The following BCAR3 variants were observed in gnomAD, a reference collection of about 807,000 sequenced individuals.
BCAR3 encodes breast cancer anti-estrogen resistance protein 3.
A neutral mutation model predicts 80.1 loss-of-function variants in BCAR3; 37 were observed. That is an observed-to-expected ratio of 0.46 (90% CI 0.36 to 0.61). The LOEUF (loss-of-function observed/expected upper bound fraction) is 0.61. Ranked by LOEUF, BCAR3 falls within the 20% of genes least tolerant of loss-of-function variation. BCAR3 has a pLI of 0.00. For missense variants in BCAR3, 978 were observed against 1,068.2 expected, an observed-to-expected ratio of 0.92 and a Z score of 1.18; for synonymous variants, 389 against 418.9, an observed-to-expected ratio of 0.93 and a Z score of 0.87.
chr1:93,745,522 A>AT (rs34978505), intron 2 of BCAR3, among the ~76,000 whole-genome samples: 17,787 of 152,016 alleles, frequency 0.12, 1,464 homozygotes, highest in African/African-American at 0.22. Flanking sequence ...ACCCCCCACC[A>AT]TTTTTCTTCT....
chr1:93,724,203 C>A (rs1213270411), intron 2 of BCAR3, among the ~76,000 whole-genome samples: 1 of 152,212 alleles, frequency 6.6e-6, no homozygotes, highest in Non-Finnish European at 1.5e-5. Context: ...CCGAGGCCCC[C>A]AGAGTTAGGA....
At chr1:93,600,161 A>G (rs1674575904) in intron 3 of BCAR3, among the ~76,000 whole-genome samples, 2 of 152,222 alleles carry the variant, frequency 1.3e-5, no homozygotes, top group African/African-American at 4.8e-5. Context: ...GTTTTCATTC[A>G]TGCCAGGGTT....
At chr1:93,719,570 C>T (rs896798625) in intron 2 of BCAR3, among the ~76,000 whole-genome samples, 3 of 151,788 alleles carry the variant, frequency 2.0e-5, no homozygotes, top group African/African-American at 7.3e-5. Flanking sequence ...TCTCGATCTC[C>T]TGACCTCGTG....
intron 2 of BCAR3, among the ~76,000 whole-genome samples, chr1:93,814,632 C>T (rs1653954997): frequency 6.6e-6 from 1 of 152,252 alleles, no homozygotes; most frequent in South Asian, 2.1e-4. Flanking sequence ...TTTAGTGTTT[C>T]TGCCCTGTGG....
At chr1:93,604,880 A>G (rs1473343205) in intron 3 of BCAR3, among the ~76,000 whole-genome samples, 8 of 152,078 alleles carry the variant, frequency 5.3e-5, no homozygotes, top group African/African-American at 1.9e-4. Flanking sequence ...TGCTCAATGT[A>G]CTCATTGCAC....
intron 2 of BCAR3, among the ~76,000 whole-genome samples, chr1:93,666,606 C>A (rs530621325): frequency 6.6e-6 from 1 of 152,272 alleles, no homozygotes; most frequent in East Asian, 1.9e-4. Context: ...TAGCACAATG[C>A]CTGGCATAAA....
chr1:93,818,610 C>T (rs1352184538), intron 2 of BCAR3, among the ~76,000 whole-genome samples: 1 of 152,214 alleles, frequency 6.6e-6, no homozygotes, highest in African/African-American at 2.4e-5. Context: ...ACAGTACTTT[C>T]CATCATTAAT....
chr1:93,789,858 G>C (rs548902572), intron 2 of BCAR3, among the ~76,000 whole-genome samples: 1 of 152,302 alleles, frequency 6.6e-6, no homozygotes, highest in African/African-American at 2.4e-5. Flanking sequence ...AGATTCTTTA[G>C]AGGCAATGAT....
At chr1:93,766,412 C>T (rs1212276803) in intron 2 of BCAR3, among the ~76,000 whole-genome samples, 11 of 152,246 alleles carry the variant, frequency 7.2e-5, no homozygotes, top group Non-Finnish European at 1.2e-4. Context: ...CTGACCATGA[C>T]TGAGCTACCA....
intron 2 of BCAR3, among the ~76,000 whole-genome samples, chr1:93,714,916 G>A (rs1230428046): frequency 6.6e-6 from 1 of 152,060 alleles, no homozygotes; most frequent in Non-Finnish European, 1.5e-5. Context: ...GATTTCTCAG[G>A]AAAAGCATTT....
At chr1:93,619,754 TGTCTCAC>T (rs1675254377) in intron 3 of BCAR3, among the ~76,000 whole-genome samples, 1 of 152,226 alleles carries the variant, frequency 6.6e-6, no homozygotes, top group Admixed American at 6.5e-5. Context: ...GCCAGTTCTC[TGTCTCAC>T]AAGCACCTCT....
chr1:93,682,861 G>C (rs1035458508), upstream of BCAR3, among the ~76,000 whole-genome samples: 2 of 152,070 alleles, frequency 1.3e-5, no homozygotes, highest in Admixed American at 6.5e-5. Flanking sequence ...CCTCCAGATG[G>C]ATTTTAAAGG....
At chr1:93,722,721 C>A (rs930116916) in intron 2 of BCAR3, among the ~76,000 whole-genome samples, 5 of 152,144 alleles carry the variant, frequency 3.3e-5, no homozygotes, top group African/African-American at 4.8e-5. Context: ...CCGGGCTGGG[C>A]TCTCAGGGCA....
intron 2 of BCAR3, among the ~76,000 whole-genome samples, chr1:93,644,990 CTG>C (rs1428801856): frequency 6.6e-6 from 1 of 152,222 alleles, no homozygotes; most frequent in Non-Finnish European, 1.5e-5. Context: ...TTTGGCTTGA[CTG>C]TGCATATTTG....
intron 2 of BCAR3, among the ~76,000 whole-genome samples, chr1:93,836,116 A>G (rs2100841535): frequency 6.6e-6 from 1 of 152,214 alleles, no homozygotes. Context: ...ACTGGACAGT[A>G]CTCTTACCTC....
intron 3 of BCAR3, among the ~76,000 whole-genome samples, chr1:93,688,939 C>T (rs572479585): frequency 3.3e-4 from 50 of 152,174 alleles, no homozygotes; most frequent in Non-Finnish European, 1.8e-4. Context: ...GCCTGGCCAG[C>T]ATATATTATT....
chr1:93,707,937 AAAC>A lies in BCAR3; in HGVS notation c.-62-1798_-62-1796del, dbSNP rs1443536214. Among the ~76,000 whole-genome samples, 3 of 152,196 alleles carry A rather than the reference AAAC, an allele frequency of 2.0e-5. No homozygotes were observed. The East Asian group carries it at 5.8e-4, about 29-fold the overall frequency. On this transcript the variant is annotated intron_variant, in intron 2 of 13. Transcript: ENST00000370244. ...AACAGATGACCCACATACACAAAAT[AAAC>A]AACGAGGTAAATAGCAGTGTGTAAA...
intron 2 of BCAR3, among the ~76,000 whole-genome samples, chr1:93,649,563 T>G (rs1676258274): frequency 6.7e-6 from 1 of 148,524 alleles, no homozygotes; most frequent in South Asian, 2.1e-4. Flanking sequence ...ATCATGTAGC[T>G]GGGAAAAAAA....
intron 4 of BCAR3, among the ~76,000 whole-genome samples, chr1:93,590,934 C>G (rs1674148748): frequency 6.6e-6 from 1 of 151,582 alleles, no homozygotes; most frequent in South Asian, 2.1e-4. Context: ...GAATGGGCTA[C>G]CAAAAAAGTA....
Sources: gnomAD v4.1 joint callset for allele counts (sites outside exome capture counted in the v4.1 genomes callset) on GRCh38, gnomAD v4.1.1 for gene constraint, MANE v1.5 for transcripts, NCBI Gene and HGNC (gene_info 2026-07-23, HGNC 2026-07-21) for gene names.